The following RAP1GAP2 variants were observed in gnomAD, a reference collection of about 807,000 sequenced individuals.
The protein encoded by RAP1GAP2 is RAP1 GTPase activating protein 2, also known as rap1 GTPase-activating protein 2.
Under a neutral mutation model 95.0 loss-of-function variants are expected in RAP1GAP2, and 27 were observed. The observed-to-expected ratio is 0.28, with a 90% CI of 0.21 to 0.39. The LOEUF (loss-of-function observed/expected upper bound fraction) is 0.39. RAP1GAP2 is among the 10% of genes least tolerant of loss of function. The pLI is 1.00. For synonymous variants in RAP1GAP2, 373 were observed against 380.9 expected (o/e 0.98, Z 0.24); for missense variants, 771 against 970.0 (o/e 0.79, Z 2.72).
At chr17:2,869,919 G>A (rs547557098) in intron 2 of RAP1GAP2, among the ~76,000 whole-genome samples, 1 of 152,202 alleles carries the variant, frequency 6.6e-6, no homozygotes, top group African/African-American at 2.4e-5. Context: ...TCCGGGCCAC[G>A]TGAGTGGAGG....
At chr17:2,934,719 A>T (rs2043251927) in intron 3 of RAP1GAP2, among the ~76,000 whole-genome samples, 1 of 152,194 alleles carries the variant, frequency 6.6e-6, no homozygotes, top group South Asian at 2.1e-4. Flanking sequence ...AGCACACCGT[A>T]ATTTGTAATT....
chr17:2,773,839 C>A (rs1306996130), upstream of RAP1GAP2, among the ~76,000 whole-genome samples: 1 of 151,980 alleles, frequency 6.6e-6, no homozygotes, highest in Non-Finnish European at 1.5e-5. Flanking sequence ...CTCACTGCAA[C>A]CTCCGCCTCC....
intron 3 of RAP1GAP2, among the ~76,000 whole-genome samples, chr17:2,947,742 G>A (rs746529058): frequency 2.4e-4 from 37 of 152,074 alleles, no homozygotes; most frequent in Non-Finnish European, 3.2e-4. Context: ...TGGCGTGCTC[G>A]GTGGTCAGAC....
At chr17:2,991,275 C>G (rs8071529) in intron 11 of RAP1GAP2, 22 bp from the exon 12 acceptor site, 460,888 of 1,546,318 alleles carry the variant, frequency 0.3, 71,180 homozygotes, top group Non-Finnish European at 0.32. Flanking sequence ...AATTCCTGCC[C>G]TTATTCCTGT....
At chr17:2,823,939 T>C (rs950267995) in intron 2 of RAP1GAP2, among the ~76,000 whole-genome samples, 6 of 149,848 alleles carry the variant, frequency 4.0e-5, no homozygotes, top group East Asian at 4.0e-4. Flanking sequence ...CTGGCCAACA[T>C]GGTGAAACCC....
At chr17:2,931,121 CAAAAAAAAAAAAA>C in intron 3 of RAP1GAP2, among the ~76,000 whole-genome samples, 1 of 67,176 alleles carries the variant, frequency 1.5e-5, no homozygotes, top group African/African-American at 5.7e-5. Flanking sequence ...GACTCCATCT[CAAAAAAAAAAAAA>C]AAAAAAAAAA....
At chr17:2,822,615 C>CTGTTTTTTTT (rs1280656830) in intron 2 of RAP1GAP2, among the ~76,000 whole-genome samples, 16 of 145,108 alleles carry the variant, frequency 1.1e-4, no homozygotes, top group African/African-American at 2.6e-4. Context: ...CAATAAAACC[C>CTGTTTTTTTT]TGTTTTTTTT....
chr17:2,905,298 C>T lies in RAP1GAP2; in HGVS notation c.95C>T (p.Ala32Val). 4 of 1,613,728 alleles carry T rather than the reference C, an allele frequency of 2.5e-6. No homozygotes were observed. The highest frequency in any genetic ancestry group is 3.4e-6 in the Non-Finnish European group (4 of 1,179,742). ...ASLKVKKQEL[A>V]NSSDATLPDR... ...CCTCTTCACAGGAAGCAGGAGCTGG[C>T]CAACAGCTCGGATGCGACCCTCCCA... Residue 32 changes from alanine to valine, a missense_variant, in exon 3 of 25, where the codon GCC becomes GTC. Transcript: ENST00000254695.
intron 1 of RAP1GAP2, among the ~76,000 whole-genome samples, chr17:2,765,815 A>G (rs2068265250): frequency 2.0e-5 from 3 of 151,954 alleles, no homozygotes; most frequent in Admixed American, 2.0e-4. Flanking sequence ...AAAAATACAA[A>G]AAAATGAGCC....
In RAP1GAP2 at chr17:3,018,136, C is replaced by T. The variant is rs889214737; in HGVS notation, c.1570C>T (p.Pro524Ser). The T allele has an allele frequency of 1.3e-6, 2 of 1,585,062 alleles. No homozygotes were observed. Among genetic ancestry groups the T allele is most frequent in the Non-Finnish European group, 1.7e-6 (2 of 1,166,374 alleles). Residue 524 changes from proline (P) to serine (S), a missense_variant, in exon 18 of 25, where the codon CCT becomes TCT. Pro to Ser is a moderately conservative substitution (Grantham distance 74). Coordinates refer to ENST00000254695, the MANE Select transcript of RAP1GAP2 (RefSeq NM_015085.5). ...GQKKSHSGGI[P>S]GSLSGGISHN... ...GAAGAAGTCGCACAGTGGGGGCATCCCTGGCAGCCTCAGCGGGGGCATCTC... is the reference window on the plus strand; with the variant it reads ...GAAGAAGTCGCACAGTGGGGGCATCTCTGGCAGCCTCAGCGGGGGCATCTC...
intron 8 of RAP1GAP2, among the ~76,000 whole-genome samples, chr17:2,968,053 A>G (rs1401113695): frequency 6.6e-6 from 1 of 152,208 alleles, no homozygotes; most frequent in Non-Finnish European, 1.5e-5. Context: ...AAAAAGCATA[A>G]ACTAGTTAGA....
chr17:2,781,255 C>G, intron 1 of RAP1GAP2, among the ~76,000 whole-genome samples: 1 of 152,228 alleles, frequency 6.6e-6, no homozygotes, highest in East Asian at 1.9e-4. Context: ...GGTCAGCAAG[C>G]AGATGGCAGC....
At chr17:2,925,643 T>G (rs2042931364) in intron 3 of RAP1GAP2, among the ~76,000 whole-genome samples, 1 of 152,204 alleles carries the variant, frequency 6.6e-6, no homozygotes, top group Non-Finnish European at 1.5e-5. Context: ...ATGCTCTCCC[T>G]GCCTTTTCTC....
chr17:2,829,927 C>T (rs1205423869), intron 2 of RAP1GAP2, among the ~76,000 whole-genome samples: 1 of 151,088 alleles, frequency 6.6e-6, no homozygotes, highest in Non-Finnish European at 1.5e-5. Context: ...GCTGGGATTA[C>T]AGTTGTGAGC....
In RAP1GAP2 at chr17:2,998,183, C is replaced by T. The variant is rs759778004; in HGVS notation, c.1045-38C>T. 23 of 1,591,512 alleles carry T rather than the reference C, an allele frequency of 1.4e-5. No homozygotes were observed. In the South Asian group the frequency reaches 2.4e-4, roughly 17 times the overall value. Reference sequence around the variant, plus strand: ...TCCCCAAAACATCTTTCATGATTTTCCTAACTGGCTTATAACCTCTCAACA... The same window carrying T: ...TCCCCAAAACATCTTTCATGATTTTTCTAACTGGCTTATAACCTCTCAACA... On this transcript the variant is annotated intron_variant, in intron 13 of 24. Transcript: ENST00000254695.
At chr17:2,928,506 T>C (rs984780731) in intron 3 of RAP1GAP2, among the ~76,000 whole-genome samples, 2 of 152,114 alleles carry the variant, frequency 1.3e-5, no homozygotes, top group Non-Finnish European at 2.9e-5. Context: ...AGGCACTGCC[T>C]TCTGCTCAGA....
chr17:3,030,817 G>A, intron 22 of RAP1GAP2, 105 bp from the exon 23 acceptor site: 1 of 1,084,832 alleles, frequency 9.2e-7, no homozygotes, highest in Non-Finnish European at 1.4e-6. Context: ...GGTCCTGGTG[G>A]AGGGCAGGAG....
intron 11 of RAP1GAP2, among the ~76,000 whole-genome samples, chr17:2,986,540 A>AAT (rs1471435479): frequency 0.024 from 3,560 of 145,970 alleles, 145 homozygotes; most frequent in African/African-American, 0.083. Context: ...CAAGAAGATA[A>AAT]TTTTTTTTTT....
intron 2 of RAP1GAP2, among the ~76,000 whole-genome samples, chr17:2,889,776 G>A (rs1266419546): frequency 6.9e-6 from 1 of 145,814 alleles, no homozygotes; most frequent in Non-Finnish European, 1.5e-5. Context: ...TCTGCCTCCC[G>A]GGTTCAAGTG....
Sources: allele counts gnomAD v4.1 joint callset (sites outside exome capture counted in the v4.1 genomes callset), GRCh38; gene constraint gnomAD v4.1.1; transcripts MANE v1.5; gene names NCBI Gene and HGNC (gene_info 2026-07-23, HGNC 2026-07-21).